The following CCDC171 variants were observed in gnomAD, a reference collection of about 807,000 sequenced individuals.
CCDC171 encodes the protein coiled-coil domain-containing protein 171.
Under a neutral mutation model 168.2 loss-of-function variants are expected in CCDC171, and 177 were observed. The ratio of observed to expected loss-of-function variants is 1.05; its 90% CI spans 0.93 to 1.19. The LOEUF (loss-of-function observed/expected upper bound fraction) is 1.19, where lower values mean the gene tolerates loss of function less well. CCDC171 is among the 50% of genes most tolerant of loss of function. The probability of loss-of-function intolerance (pLI) is 0.00; values close to 1 mark genes in which losing one functional copy is unlikely to be tolerated. For missense variants in CCDC171, 1,991 were observed against 1,539.0 expected, an observed-to-expected ratio of 1.29 and a Z score of -4.91; for synonymous variants, 687 against 540.8, an observed-to-expected ratio of 1.27 and a Z score of -3.75.
intron 20 of CCDC171, among the ~76,000 whole-genome samples, chr9:15,783,457 A>G (rs1293802600): frequency 6.6e-6 from 1 of 152,174 alleles, no homozygotes; most frequent in East Asian, 1.9e-4. Context: ...AATGATATTA[A>G]TCCACCTCAC....
intron 25 of CCDC171, among the ~76,000 whole-genome samples, chr9:15,970,244 C>T (rs1831214520): frequency 6.6e-6 from 1 of 152,148 alleles, no homozygotes; most frequent in Non-Finnish European, 1.5e-5. Context: ...ACACATACAA[C>T]AGTTGAATTT....
intron 7 of CCDC171, among the ~76,000 whole-genome samples, chr9:15,631,498 A>G (rs987104440): frequency 6.6e-5 from 10 of 152,224 alleles, no homozygotes; most frequent in African/African-American, 2.2e-4. Context: ...TGAATAGACC[A>G]ATAACAGGCT....
intron 7 of CCDC171, among the ~76,000 whole-genome samples, chr9:15,630,672 A>G (rs1205197202): frequency 3.9e-5 from 6 of 152,208 alleles, no homozygotes; most frequent in East Asian, 1.9e-4. Flanking sequence ...TGCACCAAGC[A>G]GACCTAATAG....
At chr9:16,105,990 C>A in the CCDC171 span, among the ~76,000 whole-genome samples, 9 of 152,208 alleles carry the variant, frequency 5.9e-5, no homozygotes, top group Admixed American at 5.9e-4. Context: ...TTTCAGGCCA[C>A]CACACCCCAT....
At chr9:15,835,646 C>T (rs1434706487) in intron 21 of CCDC171, among the ~76,000 whole-genome samples, 19 of 152,152 alleles carry the variant, frequency 1.2e-4, no homozygotes, top group Admixed American at 5.9e-4. Context: ...AGGCTGGTCT[C>T]GAACTCCTGA....
intron 24 of CCDC171, among the ~76,000 whole-genome samples, chr9:15,877,069 C>T (rs535314692): frequency 6.6e-6 from 1 of 152,156 alleles, no homozygotes; most frequent in Admixed American, 6.6e-5. Flanking sequence ...AGTGGAGTAC[C>T]TTTGTTCTCT....
chr9:15,875,871 G>C (rs1474631619), intron 24 of CCDC171: 1 of 151,778 alleles, frequency 6.6e-6, no homozygotes, highest in Non-Finnish European at 1.5e-5. Context: ...TCTGTTATAG[G>C]GTAGATTGCT....
At chr9:15,624,609 A>G (rs2132110635) in intron 7 of CCDC171, among the ~76,000 whole-genome samples, 1 of 152,276 alleles carries the variant, frequency 6.6e-6, no homozygotes, top group East Asian at 1.9e-4. Context: ...GATGGTTTCC[A>G]GCTTCATCCA....
intron 7 of CCDC171, among the ~76,000 whole-genome samples, chr9:15,650,041 G>C (rs181962107): frequency 0.018 from 2,745 of 152,210 alleles, 149 homozygotes; most frequent in Admixed American, 0.11. Context: ...AAATGTGGCA[G>C]ATATACACCA....
rs1270511811 is a variant in CCDC171, at chr9:15,744,739, T to C, written c.2516T>C (p.Val839Ala). 5 of 1,614,052 alleles carry C rather than the reference T, an allele frequency of 3.1e-6. No individual in the cohort carries two copies. The highest frequency in any genetic ancestry group is 4.2e-6 in the Non-Finnish European group (5 of 1,179,996). The change falls in exon 17 of 26, where the codon GTG becomes GCG. Residue 839 changes from valine to alanine, a missense_variant. Physicochemically the swap from Val to Ala is moderately conservative, Grantham distance 64 (BLOSUM62 0). Coordinates refer to ENST00000380701, the MANE Select transcript of CCDC171 (RefSeq NM_173550.4). ...ESFKEGIGML[V>A]CTGEPQDKHK... ...TTCAAAGAAGGCATAGGCATGTTAG[T>C]GTGCACAGGAGAGCCCCAAGACAAG...
chr9:15,943,093 G>A (rs955179636), intron 25 of CCDC171, among the ~76,000 whole-genome samples: 6 of 151,842 alleles, frequency 4.0e-5, no homozygotes, highest in East Asian at 1.9e-4. Context: ...TTTGTGTTTC[G>A]TATCAAGTTT....
chr9:15,790,670 C>G (rs1013292803), intron 21 of CCDC171, among the ~76,000 whole-genome samples: 17 of 152,120 alleles, frequency 1.1e-4, no homozygotes, highest in East Asian at 3.9e-4. Flanking sequence ...AAGTCCTTGC[C>G]CATGCCTATG....
At chr9:15,878,442 CA>C (rs1336134706) in intron 24 of CCDC171, among the ~76,000 whole-genome samples, 2 of 151,818 alleles carry the variant, frequency 1.3e-5, no homozygotes, top group African/African-American at 4.8e-5. Context: ...CATCTCACAC[CA>C]GTCAAAATGG....
intron 21 of CCDC171, among the ~76,000 whole-genome samples, chr9:15,812,775 G>C (rs1459485601): frequency 1.3e-5 from 2 of 152,200 alleles, no homozygotes; most frequent in East Asian, 1.9e-4. Context: ...TTGTGGACCA[G>C]TGACTGCTAC....
At chr9:15,691,783 C>A (rs552255243) in intron 10 of CCDC171, among the ~76,000 whole-genome samples, 120 of 152,120 alleles carry the variant, frequency 7.9e-4, no homozygotes, top group African/African-American at 2.7e-3. Context: ...CTCAAGCAAT[C>A]TTCCCACCTC....
At chr9:16,093,052 G>A in the CCDC171 span, among the ~76,000 whole-genome samples, 1 of 152,182 alleles carries the variant, frequency 6.6e-6, no homozygotes, top group African/African-American at 2.4e-5. Flanking sequence ...CCATCTCTGA[G>A]CTATGAACGG....
intron 18 of CCDC171, among the ~76,000 whole-genome samples, chr9:15,773,945 G>A (rs2057153800): frequency 6.6e-6 from 1 of 151,958 alleles, no homozygotes; most frequent in African/African-American, 2.4e-5. Flanking sequence ...AAATCAGCAA[G>A]AACAAAACAA....
At chr9:15,944,436 G>A (rs1021134901) in intron 25 of CCDC171, among the ~76,000 whole-genome samples, 8 of 152,012 alleles carry the variant, frequency 5.3e-5, no homozygotes, top group African/African-American at 1.7e-4. Context: ...GGAGGAGAAG[G>A]ATTAGCTAAC....
chr9:15,635,755 C>T lies in CCDC171; in HGVS notation c.822+12342C>T, dbSNP rs186411354. ...AATGAATAATGCCACCATGAACATTCGTGTACAGGTTTTTGTGTGGATATG... is the reference window on the plus strand; with the variant it reads ...AATGAATAATGCCACCATGAACATTTGTGTACAGGTTTTTGTGTGGATATG... On this transcript the variant is annotated intron_variant, in intron 7 of 25. Coordinates refer to ENST00000380701, the MANE Select transcript of CCDC171 (RefSeq NM_173550.4). 1.4e-3 allele frequency among the ~76,000 whole-genome samples: 209 copies of T among 152,240 alleles called. No individual in the cohort carries two copies. In the South Asian group the frequency reaches 0.015, roughly 11 times the overall value.
Sources: allele counts gnomAD v4.1 joint callset (sites outside exome capture counted in the v4.1 genomes callset), GRCh38; gene constraint gnomAD v4.1.1; transcripts MANE v1.5; gene names NCBI Gene and HGNC (gene_info 2026-07-23, HGNC 2026-07-21).